CDC14B: variants seen among roughly 807,000 people sequenced by gnomAD.
CDC14B encodes the protein dual specificity protein phosphatase CDC14B.
CDC14B carries 22 observed loss-of-function variants against 64.2 expected under a neutral mutation model. The observed-to-expected ratio is 0.34, with a 90% CI of 0.24 to 0.49. The LOEUF (loss-of-function observed/expected upper bound fraction) is 0.49, where lower values mean the gene tolerates loss of function less well. Among genes scored for constraint, CDC14B ranks in the 20% least tolerant of loss-of-function variants. CDC14B has a pLI of 0.99. For synonymous variants in CDC14B, 191 were observed against 215.8 expected, an observed-to-expected ratio of 0.89 and a Z score of 1.01; for missense variants, 498 against 629.9, an observed-to-expected ratio of 0.79 and a Z score of 2.24.
intron 1 of CDC14B, chr9:96,618,598 G>A (rs199912754): frequency 1.4e-4 from 72 of 532,646 alleles, no homozygotes; most frequent in Non-Finnish European, 6.9e-5. Flanking sequence ...CGAGGCCCCG[G>A]CGGGGAGCGG....
chr9:96,571,240 A>G (rs1423255867), intron 1 of CDC14B, among the ~76,000 whole-genome samples: 2 of 151,908 alleles, frequency 1.3e-5, no homozygotes, highest in Non-Finnish European at 2.9e-5. Context: ...CAGTGGCGCA[A>G]TCTCAGCTCA....
intron 12 of CDC14B, among the ~76,000 whole-genome samples, chr9:96,510,609 T>A (rs1834782415): frequency 7.1e-6 from 1 of 141,332 alleles, no homozygotes; most frequent in African/African-American, 2.6e-5. Context: ...TATGCAATTC[T>A]TTTTTTTTTT....
chr9:96,547,886 C>T (rs1452779765), intron 5 of CDC14B, among the ~76,000 whole-genome samples: 1 of 151,928 alleles, frequency 6.6e-6, no homozygotes, highest in Non-Finnish European at 1.5e-5. Context: ...AGTGCAGTGG[C>T]ACCATCTCAG....
chr9:96,503,878 A>T, intron 13 of CDC14B, 89 bp from the exon 14 acceptor site: 1 of 981,658 alleles, frequency 1.0e-6, no homozygotes, highest in Non-Finnish European at 1.6e-6. Context: ...ACATAATAAA[A>T]ATACTGACAT....
At chr9:96,541,440 T>TAATG (rs1840051902) in intron 6 of CDC14B, among the ~76,000 whole-genome samples, 1 of 152,258 alleles carries the variant, frequency 6.6e-6, no homozygotes, top group Admixed American at 6.5e-5. Context: ...ACGTCTGTTG[T>TAATG]AATGGTATTG....
chr9:96,563,933 G>C (rs1354990228), intron 3 of CDC14B, among the ~76,000 whole-genome samples: 1 of 152,150 alleles, frequency 6.6e-6, no homozygotes, highest in East Asian at 1.9e-4. Context: ...CAAAAAAGAA[G>C]AGTCTCCAGC....
In CDC14B at chr9:96,515,637, C is replaced by T. The variant is rs573864341; in HGVS notation, c.1344-5848G>A. The T allele has an allele frequency of 2.6e-4, 405 of 1,554,528 alleles. No individual in the cohort carries two copies. Among genetic ancestry groups the T allele is most frequent in the Non-Finnish European group, 3.2e-4 (363 of 1,150,076 alleles). On this transcript the variant is annotated intron_variant, in intron 12 of 13. Transcript: ENST00000375241. This position sits in a 1 kb window ranked among gnomAD's most constrained non-coding sequence, Gnocchi z 4.3. ...AGTAAGCAACGGCAGAGAAACAGAA[C>T]GGGACACTTACAGCAGCTATCTGTC...
At chr9:96,562,304 G>A (rs1843319988) in intron 4 of CDC14B, among the ~76,000 whole-genome samples, 1 of 152,110 alleles carries the variant, frequency 6.6e-6, no homozygotes, top group Non-Finnish European at 1.5e-5. Flanking sequence ...TAATAGTGGG[G>A]TCCTGACCCC....
chr9:96,600,677 A>T (rs776448657), intron 1 of CDC14B, among the ~76,000 whole-genome samples: 4 of 151,920 alleles, frequency 2.6e-5, no homozygotes, highest in Non-Finnish European at 4.4e-5. Flanking sequence ...TAATTTTTGT[A>T]TTTTTAGTAG....
chr9:96,522,477 T>A (rs761506665), intron 12 of CDC14B, 29 bp downstream of exon 12: 3 of 1,451,868 alleles, frequency 2.1e-6, no homozygotes, highest in African/African-American at 2.8e-5. Context: ...TGAAGAAACA[T>A]CAACCACAAC....
At chr9:96,592,634 A>G (rs1267866951) in intron 1 of CDC14B, among the ~76,000 whole-genome samples, 1 of 151,972 alleles carries the variant, frequency 6.6e-6, no homozygotes, top group African/African-American at 2.4e-5. Context: ...ATTAGTCAGC[A>G]TGGTGGTGGG....
chr9:96,604,822 C>T (rs1846774477), intron 1 of CDC14B, among the ~76,000 whole-genome samples: 1 of 152,136 alleles, frequency 6.6e-6, no homozygotes, highest in South Asian at 2.1e-4. Context: ...GCATGCACCA[C>T]CATGCCCAGC....
intron 12 of CDC14B, among the ~76,000 whole-genome samples, chr9:96,521,324 C>A (rs960966209): frequency 6.6e-6 from 1 of 152,108 alleles, no homozygotes; most frequent in African/African-American, 2.4e-5. Context: ...GGTGATCTGC[C>A]CACCTTGGCC....
At chr9:96,527,534 A>C (rs1837761271) in intron 9 of CDC14B, among the ~76,000 whole-genome samples, 1 of 152,252 alleles carries the variant, frequency 6.6e-6, no homozygotes, top group African/African-American at 2.4e-5. Flanking sequence ...ATTGTTGTAC[A>C]AACATTACCA....
At chr9:96,567,408 C>T (rs1255824687) in intron 1 of CDC14B, among the ~76,000 whole-genome samples, 1 of 152,244 alleles carries the variant, frequency 6.6e-6, no homozygotes, top group Non-Finnish European at 1.5e-5. Context: ...AGGGCCCAGC[C>T]CCTTAGCTCT....
At chr9:96,618,794 C>T (rs1847802450) in intron 1 of CDC14B, 1 of 349,476 alleles carries the variant, frequency 2.9e-6, no homozygotes, top group Non-Finnish European at 5.5e-6. Flanking sequence ...TCAGCGCGCT[C>T]GGGGAATCCT....
At position 96,533,972 on chromosome 9, in the gene CDC14B, C is replaced by G; in HGVS notation, c.901G>C (p.Asp301His). 1 of 1,613,076 alleles carries G rather than the reference C, an allele frequency of 6.2e-7. No homozygotes were observed. The highest frequency in any genetic ancestry group is 8.5e-7 in the Non-Finnish European group (1 of 1,179,468). Residue 301 changes from aspartate to histidine, a missense_variant, in exon 9 of 14, where the codon GAT becomes CAT. Coordinates refer to ENST00000375241, the MANE Select transcript of CDC14B (RefSeq NM_033331.4). Reference protein sequence around the residue: ...PTDAIVKEFLDICENAEGAIA... With the variant: ...PTDAIVKEFLHICENAEGAIA... ...GCACCCTCAGCATTTTCACAGATAT[C>G]TAGGAATTCTTTGACAATGGCATCA...
rs1839195399 is a variant in CDC14B at position 96,535,822 on chromosome 9, C to G, written c.628-1280G>C. 2.6e-5 allele frequency among the ~76,000 whole-genome samples: 4 copies of G among 150,984 alleles called. No homozygotes were observed. The South Asian group carries it at 6.2e-4, about 23-fold the overall frequency. ...GGTGCAGTGGCATGCACCTGTAGTC[C>G]TAGCTACTTGGGAGGCTGAGGCAGA... On this transcript the variant is annotated intron_variant, in intron 7 of 13. Transcript: ENST00000375241.
chr9:96,495,396 C>CG (rs992486961), downstream of CDC14B, among the ~76,000 whole-genome samples: 1 of 140,100 alleles, frequency 7.1e-6, no homozygotes, highest in African/African-American at 2.6e-5. Context: ...GTGCTGCCCC[C>CG]CCCCGCCCCC....
Sources: gnomAD v4.1 joint callset for allele counts (sites outside exome capture counted in the v4.1 genomes callset) on GRCh38, gnomAD v4.1.1 for gene constraint, Gnocchi (gnomAD v3.1) non-coding constraint, MANE v1.5 for transcripts, NCBI Gene and HGNC (gene_info 2026-07-23, HGNC 2026-07-21) for gene names.